DPYD: variants seen among roughly 807,000 people sequenced by gnomAD.
DPYD encodes dihydropyrimidine dehydrogenase [NADP(+)].
DPYD carries 109 observed loss-of-function variants against 116.2 expected under a neutral mutation model. The observed-to-expected ratio is 0.94, with a 90% confidence interval of 0.80 to 1.10. The LOEUF is 1.10. Among genes scored for constraint, DPYD ranks in the 50% least tolerant of loss-of-function variants. The pLI, the probability that DPYD is intolerant of heterozygous loss-of-function variation, is 0.00. For missense variants in DPYD, 1,302 were observed against 1,254.5 expected (o/e 1.04, Z -0.57); for synonymous variants, 440 against 432.0 (o/e 1.02, Z -0.23).
chr1:97,603,777 C>A (rs927112329), intron 8 of DPYD, among the ~76,000 whole-genome samples: 1 of 152,072 alleles, frequency 6.6e-6, no homozygotes, highest in Non-Finnish European at 1.5e-5. Flanking sequence ...GCAAATTATA[C>A]AATCATATTG....
intron 3 of DPYD, among the ~76,000 whole-genome samples, chr1:97,795,381 A>G (rs936760710): frequency 5.1e-4 from 78 of 152,064 alleles, no homozygotes; most frequent in African/African-American, 1.8e-3. Flanking sequence ...TGTATAATTT[A>G]TAGTGTTAGA....
rs565409632 is a variant in DPYD at position 97,260,469 on chromosome 1, T to A, written c.2300-25475A>T. Among the ~76,000 whole-genome samples the A allele has an allele frequency of 3.1e-4, 47 of 152,160 alleles. 1 individual carries two copies. Among genetic ancestry groups the A allele is most frequent in the East Asian group, 1.4e-3 (7 of 5,184 alleles). On this transcript the variant is annotated intron_variant, in intron 18 of 22. Coordinates refer to ENST00000370192, the MANE Select transcript of DPYD (RefSeq NM_000110.4). ...GAGAGGTGTGATGGCTGTAGGTCAT[T>A]TAATCTGAAGAGTAACAAATTTAAA...
chr1:97,582,000 C>A (rs1653718356), intron 10 of DPYD, among the ~76,000 whole-genome samples: 1 of 152,102 alleles, frequency 6.6e-6, no homozygotes, highest in Admixed American at 6.6e-5. Context: ...AAACTATTGT[C>A]ATTTATAAGT....
intron 11 of DPYD, among the ~76,000 whole-genome samples, chr1:97,570,350 T>C (rs1652810950): frequency 6.6e-6 from 1 of 151,992 alleles, no homozygotes; most frequent in African/African-American, 2.4e-5. Flanking sequence ...TCTGTCAAGT[T>C]TACTTCATTA....
At position 97,573,805 on chromosome 1, in the gene DPYD, C is replaced by G. The variant is rs142512579; in HGVS notation, c.1294G>C (p.Asp432His). ...GAACCAAAGGCACTGATGACCACAT[C>G]GGCTTTCAGATGGACCATCTGATCT... ...DEDQMVHLKA[D>H]VVISAFGSVL... Residue 432 changes from aspartate (D) to histidine (H), a missense_variant, in exon 11 of 23, where the codon GAT (aspartate) becomes CAT (histidine). Coordinates refer to ENST00000370192, the MANE Select transcript of DPYD (RefSeq NM_000110.4). 6.2e-7 allele frequency: 1 copy of G among 1,613,610 alleles called. No homozygotes were observed. The highest frequency in any genetic ancestry group is 8.5e-7 in the Non-Finnish European group (1 of 1,179,622).
intron 3 of DPYD, among the ~76,000 whole-genome samples, chr1:97,752,140 C>T (rs1279898410): frequency 1.3e-5 from 2 of 151,896 alleles, no homozygotes; most frequent in Non-Finnish European, 2.9e-5. Context: ...GATGAAATAG[C>T]ACATTTGGAA....
At chr1:97,493,754 T>G (rs1258033820) in intron 13 of DPYD, among the ~76,000 whole-genome samples, 1 of 152,190 alleles carries the variant, frequency 6.6e-6, no homozygotes, top group Non-Finnish European at 1.5e-5. Context: ...AGCAAACCTT[T>G]TAACAAGTTT....
chr1:97,124,574 A>G (rs1301056225), intron 20 of DPYD, among the ~76,000 whole-genome samples: 2 of 152,212 alleles, frequency 1.3e-5, no homozygotes, highest in East Asian at 3.9e-4. Context: ...TTTAGTGTCT[A>G]CAAAGGATGA....
At chr1:97,358,467 G>T (rs1339299092) in intron 16 of DPYD, among the ~76,000 whole-genome samples, 1 of 152,224 alleles carries the variant, frequency 6.6e-6, no homozygotes, top group African/African-American at 2.4e-5. Context: ...CCAGCATGGT[G>T]TCTGAGCTCA....
At chr1:97,679,859 GA>G (rs1272162398) in intron 7 of DPYD, among the ~76,000 whole-genome samples, 2 of 152,096 alleles carry the variant, frequency 1.3e-5, no homozygotes, top group Non-Finnish European at 2.9e-5. Flanking sequence ...GAAAGACCCT[GA>G]AACATCCCTA....
At chr1:97,910,910 T>G (rs1234236649) in intron 1 of DPYD, among the ~76,000 whole-genome samples, 1 of 152,096 alleles carries the variant, frequency 6.6e-6, no homozygotes, top group Non-Finnish European at 1.5e-5. Flanking sequence ...GTATTCTTAT[T>G]TACATTTTTT....
intron 13 of DPYD, among the ~76,000 whole-genome samples, chr1:97,486,957 T>A (rs1678674300): frequency 6.6e-6 from 1 of 151,882 alleles, no homozygotes; most frequent in African/African-American, 2.4e-5. Context: ...TAAAAAAAGA[T>A]AAATCAGAAA....
chr1:97,879,885 T>C (rs1214037019), intron 2 of DPYD, among the ~76,000 whole-genome samples: 3 of 151,482 alleles, frequency 2.0e-5, no homozygotes. Flanking sequence ...ACCAAAGAAA[T>C]AGAAAAAAGG....
At position 97,672,480 on chromosome 1, in the gene DPYD, T is replaced by C. The variant is rs111956176; in HGVS notation, c.850+6615A>G. ...ACAATTACACCGAAGTACTTACAAGTGACAGTAGATTAAACAATATTACAA... is the reference window on the plus strand; with the variant it reads ...ACAATTACACCGAAGTACTTACAAGCGACAGTAGATTAAACAATATTACAA... On this transcript the variant is annotated intron_variant, in intron 8 of 22. Coordinates refer to ENST00000370192, the MANE Select transcript of DPYD (RefSeq NM_000110.4). Among the ~76,000 whole-genome samples the C allele has an allele frequency of 4.6e-3, 702 of 152,208 alleles. 5 individuals carry two copies. The highest frequency in any genetic ancestry group is 0.016 in the African/African-American group (666 of 41,534).
intron 21 of DPYD, among the ~76,000 whole-genome samples, chr1:97,086,499 G>T (rs1219131063): frequency 6.6e-6 from 1 of 151,896 alleles, no homozygotes; most frequent in African/African-American, 2.4e-5. Context: ...ATTAGTTTTG[G>T]TCTATTTTTA....
chr1:97,197,091 T>C (rs902863802), intron 19 of DPYD, among the ~76,000 whole-genome samples: 14 of 152,074 alleles, frequency 9.2e-5, no homozygotes, highest in African/African-American at 3.4e-4. Flanking sequence ...TAGAAAAGAG[T>C]ATAGAATAAC....
intron 14 of DPYD, chr1:97,394,384 T>C (rs1672898343): frequency 6.6e-6 from 1 of 152,072 alleles, no homozygotes; most frequent in African/African-American, 2.4e-5. Context: ...AATTTCAATA[T>C]TGTCGCATCT....
intron 12 of DPYD, among the ~76,000 whole-genome samples, chr1:97,541,103 C>G (rs1171398228): frequency 6.6e-6 from 1 of 152,126 alleles, no homozygotes; most frequent in African/African-American, 2.4e-5. Context: ...CTAAGAGACA[C>G]AAAAGATGGC....
At chr1:97,470,693 G>T (rs1677598238) in intron 13 of DPYD, among the ~76,000 whole-genome samples, 1 of 152,134 alleles carries the variant, frequency 6.6e-6, no homozygotes, top group African/African-American at 2.4e-5. Context: ...ACCTACAAAA[G>T]AATTATAAGA....
Sources: gnomAD v4.1 joint callset for allele counts (sites outside exome capture counted in the v4.1 genomes callset) on GRCh38, gnomAD v4.1.1 for gene constraint, MANE v1.5 for transcripts, NCBI Gene and HGNC (gene_info 2026-07-23, HGNC 2026-07-21) for gene names.